RPS6KB1: variants seen among roughly 807,000 people sequenced by gnomAD.
RPS6KB1 encodes ribosomal protein S6 kinase B1.
Under a neutral mutation model 70.2 loss-of-function variants are expected in RPS6KB1, and 12 were observed. The observed-to-expected ratio is 0.17, with a 90% CI of 0.11 to 0.28. The LOEUF (loss-of-function observed/expected upper bound fraction) is 0.28, where lower values mean the gene tolerates loss of function less well. Among genes scored for constraint, RPS6KB1 ranks in the 10% least tolerant of loss-of-function variants. The pLI is 1.00. For synonymous variants in RPS6KB1, 175 were observed against 211.2 expected, an observed-to-expected ratio of 0.83 and a Z score of 1.49; for missense variants, 270 against 646.6, an observed-to-expected ratio of 0.42 and a Z score of 6.32.
intron 1 of RPS6KB1, among the ~76,000 whole-genome samples, chr17:59,900,183 CACA>C (rs1307835315): frequency 7.2e-5 from 7 of 96,824 alleles, no homozygotes; most frequent in African/African-American, 4.5e-4. Flanking sequence ...CACACACACA[CACA>C]CACACACACA....
intron 1 of RPS6KB1, among the ~76,000 whole-genome samples, chr17:59,902,707 G>T (rs1309702066): frequency 1.3e-5 from 2 of 151,688 alleles, no homozygotes; most frequent in Non-Finnish European, 1.5e-5. Context: ...CTCTCATGTA[G>T]CTGGGACCAC....
chr17:59,930,663 T>A (rs2043878792), intron 6 of RPS6KB1: 1 of 152,694 alleles, frequency 6.5e-6, no homozygotes, highest in Non-Finnish European at 1.5e-5. Flanking sequence ...ATTAAAAATA[T>A]GCACATCCTT....
At chr17:59,936,192 C>G in intron 10 of RPS6KB1, 23 bp from the exon 11 acceptor site, 1 of 1,587,658 alleles carries the variant, frequency 6.3e-7, no homozygotes, top group Non-Finnish European at 8.5e-7. Context: ...GTTCTTTATC[C>G]AAGCTTTTTT....
Position 59,935,182 on chromosome 17 carries a change from TCTA to T in RPS6KB1, c.871-8_871-6del. Reference sequence around the variant, plus strand: ...CCCTGCTAATATTTTTCACTTGTCTTCTACTCTTAGCCCCCATTCACTGGGGAG... The same window carrying T: ...CCCTGCTAATATTTTTCACTTGTCTTCTCTTAGCCCCCATTCACTGGGGAG... On this transcript the variant is annotated splice_region_variant and splice_polypyrimidine_tract_variant and intron_variant, in intron 9 of 14. Coordinates refer to ENST00000225577, the MANE Select transcript of RPS6KB1 (RefSeq NM_003161.4). 6.4e-7 allele frequency: 1 copy of T among 1,550,416 alleles called. No homozygotes were observed. Among genetic ancestry groups the T allele is most frequent in the Non-Finnish European group, 8.9e-7 (1 of 1,127,702 alleles).
At chr17:59,897,184 T>C (rs1365607693) in intron 1 of RPS6KB1, among the ~76,000 whole-genome samples, 1 of 152,240 alleles carries the variant, frequency 6.6e-6, no homozygotes, top group Non-Finnish European at 1.5e-5. Flanking sequence ...GTGTTTATAA[T>C]GTTCCTCTTT....
At chr17:59,897,748 C>T (rs1344468209) in intron 1 of RPS6KB1, among the ~76,000 whole-genome samples, 3 of 152,034 alleles carry the variant, frequency 2.0e-5, no homozygotes, top group African/African-American at 4.8e-5. Flanking sequence ...AGGTGGATCA[C>T]GATGTCAGGA....
At chr17:59,907,541 T>C (rs1002541914) in intron 1 of RPS6KB1, 1 of 81,702 alleles carries the variant, frequency 1.2e-5, no homozygotes, top group Non-Finnish European at 2.4e-5. Flanking sequence ...CTTTGGTTAA[T>C]TTTTTTTTTT....
chr17:59,898,738 T>C (rs2041720056), intron 1 of RPS6KB1, among the ~76,000 whole-genome samples: 1 of 150,870 alleles, frequency 6.6e-6, no homozygotes, highest in African/African-American at 2.4e-5. Context: ...ATTACAGGCA[T>C]GAGCCACCGT....
At chr17:59,914,803 G>A in intron 4 of RPS6KB1, 100 bp downstream of exon 4, 1 of 980,464 alleles carries the variant, frequency 1.0e-6, no homozygotes, top group East Asian at 2.5e-5. Context: ...TTTAATTGTT[G>A]TAACATTTTG....
At chr17:59,942,455 A>G (rs1017445506) in intron 13 of RPS6KB1, among the ~76,000 whole-genome samples, 1 of 152,198 alleles carries the variant, frequency 6.6e-6, no homozygotes, top group African/African-American at 2.4e-5. Flanking sequence ...AATAGCACAT[A>G]TGCTTGTTGA....
intron 1 of RPS6KB1, among the ~76,000 whole-genome samples, chr17:59,902,578 C>CTTTTTTTTTTTTT (rs559757964): frequency 1.5e-5 from 2 of 134,352 alleles, no homozygotes; most frequent in Non-Finnish European, 3.2e-5. Context: ...TTTTTTGTTT[C>CTTTTTTTTTTTTT]TTTTTTTTTT....
In RPS6KB1 at chr17:59,926,455, T is replaced by G; in HGVS notation, c.402T>G (p.Ala134=). The G allele has an allele frequency of 1.2e-6, 2 of 1,608,148 alleles. No individual in the cohort carries two copies. Among genetic ancestry groups the G allele is most frequent in the Non-Finnish European group, 8.5e-7 (1 of 1,176,048 alleles). The change falls in exon 5 of 15, where the codon GCT becomes GCG. Residue 134 remains alanine, a synonymous_variant. Transcript: ENST00000225577. Reference sequence around the variant, plus strand: ...TTTAGGCAATGATAGTAAGAAATGCTAAAGATACAGCTCATACAAAAGCAG... The same window carrying G: ...TTTAGGCAATGATAGTAAGAAATGCGAAAGATACAGCTCATACAAAAGCAG... ...VLKKAMIVRN[A]KDTAHTKAER...
At chr17:59,916,004 C>T (rs1031271952) in intron 4 of RPS6KB1, among the ~76,000 whole-genome samples, 2 of 151,198 alleles carry the variant, frequency 1.3e-5, no homozygotes, top group African/African-American at 4.9e-5. Context: ...AGGCTGGTCT[C>T]GAACTCAGGT....
At chr17:59,941,813 T>G (rs1477556025) in intron 13 of RPS6KB1, among the ~76,000 whole-genome samples, 1 of 147,222 alleles carries the variant, frequency 6.8e-6, no homozygotes, top group Non-Finnish European at 1.5e-5. Context: ...TTTGTATTTT[T>G]AGTAGAGACA....
In RPS6KB1 at chr17:59,934,149, T is replaced by C. The variant is rs760635493; in HGVS notation, c.689-21T>C. ...ATACTTATAATTCGGAGAATAATCA[T>C]GCTGTAATCTTTCATTGTAGGTCAT... On this transcript the variant is annotated intron_variant, in intron 7 of 14. Coordinates refer to ENST00000225577, the MANE Select transcript of RPS6KB1 (RefSeq NM_003161.4). This position sits in a 1 kb window ranked among gnomAD's most constrained non-coding sequence, Gnocchi z 4.8. The C allele has an allele frequency of 1.4e-5, 19 of 1,363,218 alleles. No individual in the cohort carries two copies. The highest frequency in any genetic ancestry group is 1.6e-5 in the Non-Finnish European group (15 of 951,512). 84.4% of individuals were successfully genotyped at this position (1,363,218 alleles called of 1,614,324 possible).
chr17:59,910,263 G>C (rs2042555950), intron 1 of RPS6KB1, among the ~76,000 whole-genome samples: 1 of 151,512 alleles, frequency 6.6e-6, no homozygotes. Context: ...AGAATCACTT[G>C]AGGAGTTTAA....
chr17:59,943,929 T>C (rs200919672), intron 13 of RPS6KB1, among the ~76,000 whole-genome samples: 1 of 137,016 alleles, frequency 7.3e-6, no homozygotes, highest in Admixed American at 7.3e-5. Context: ...TATACACACA[T>C]ACATACACAC....
intron 1 of RPS6KB1, among the ~76,000 whole-genome samples, chr17:59,906,601 A>G (rs1485369079): frequency 6.6e-6 from 1 of 151,916 alleles, no homozygotes; most frequent in African/African-American, 2.4e-5. Context: ...ACCTCGAGTA[A>G]TCCACCTATC....
Position 59,935,119 on chromosome 17 carries a change from A to T in RPS6KB1, c.871-74A>T, listed in dbSNP as rs1456375001. ...ACTAATTTAGGAAATGGATAATATT[A>T]TTCAAAATTTGTTTCTTATATGCTA... is the stretch of plus-strand genomic sequence containing the variant. On this transcript the variant is annotated intron_variant, in intron 9 of 14. Coordinates refer to ENST00000225577, the MANE Select transcript of RPS6KB1 (RefSeq NM_003161.4). 3.7e-6 allele frequency: 3 copies of T among 811,686 alleles called. No homozygotes were observed. The East Asian group carries it at 8.0e-5, about 22-fold the overall frequency. 50.3% of individuals were successfully genotyped at this position (811,686 alleles called of 1,614,324 possible).
Sources: allele counts gnomAD v4.1 joint callset (sites outside exome capture counted in the v4.1 genomes callset), GRCh38; gene constraint gnomAD v4.1.1; non-coding constraint Gnocchi (gnomAD v3.1); transcripts MANE v1.5; gene names NCBI Gene and HGNC (gene_info 2026-07-23, HGNC 2026-07-21).